CPQ: variants seen among roughly 807,000 people sequenced by gnomAD.
CPQ encodes the protein carboxypeptidase Q, also known as Ser-Met dipeptidase.
In CPQ, 37 loss-of-function variants were observed where a neutral mutation model predicts 45.7. That is an observed-to-expected ratio of 0.81 (90% CI 0.62 to 1.07). The LOEUF (loss-of-function observed/expected upper bound fraction) is 1.07, where lower values mean the gene tolerates loss of function less well. CPQ is among the 50% of genes least tolerant of loss of function. The pLI, the probability that CPQ is intolerant of heterozygous loss-of-function variation, is 0.00. For synonymous variants in CPQ, 186 were observed against 205.8 expected (o/e 0.90, Z 0.82); for missense variants, 537 against 572.9 (o/e 0.94, Z 0.64).
At chr8:96,990,021 A>C (rs1297032774) in intron 5 of CPQ, among the ~76,000 whole-genome samples, 1 of 151,978 alleles carries the variant, frequency 6.6e-6, no homozygotes, top group East Asian at 1.9e-4. Context: ...CTTCTCTTGC[A>C]CCAAATGGGC....
chr8:96,649,593 A>G (rs762282504), intron 1 of CPQ, among the ~76,000 whole-genome samples: 20 of 152,216 alleles, frequency 1.3e-4, no homozygotes, highest in Non-Finnish European at 1.6e-4. Flanking sequence ...AATGAGGGTA[A>G]GAAATATAAG....
chr8:96,722,187 A>C (rs1377258950), intron 1 of CPQ, among the ~76,000 whole-genome samples: 1 of 152,242 alleles, frequency 6.6e-6, no homozygotes, highest in Admixed American at 6.5e-5. Flanking sequence ...TTATTTATTG[A>C]ATGAATAAAT....
At chr8:96,853,149 T>C (rs1786365376) in intron 3 of CPQ, among the ~76,000 whole-genome samples, 1 of 152,242 alleles carries the variant, frequency 6.6e-6, no homozygotes. Flanking sequence ...TCTTCCTCAG[T>C]TGCCACACAG....
intron 1 of CPQ, among the ~76,000 whole-genome samples, chr8:96,727,277 C>T (rs750007371): frequency 6.6e-5 from 10 of 152,122 alleles, no homozygotes; most frequent in South Asian, 2.1e-4. Flanking sequence ...GAGCAAGCAG[C>T]TATTTAGTCC....
At chr8:96,693,888 T>C (rs1809337015) in intron 1 of CPQ, among the ~76,000 whole-genome samples, 1 of 152,054 alleles carries the variant, frequency 6.6e-6, no homozygotes, top group South Asian at 2.1e-4. Context: ...CATGAGGTGA[T>C]GAAAAATAAT....
chr8:96,926,622 T>TCTTCTTCTC lies in CPQ; in HGVS notation c.850-39311_850-39310insTCTTCTCCT, dbSNP rs1554578116. On this transcript the variant is annotated intron_variant, in intron 4 of 7. Transcript: ENST00000220763. ...TTCTTCTTCTTCTTCTTCTTCTTCT[T>TCTTCTTCTC]CTCCTCCTTCTCCTTCTTCTTCTTC... Among the ~76,000 whole-genome samples, 8 of 123,860 alleles carry TCTTCTTCTC rather than the reference T, an allele frequency of 6.5e-5. No individual in the cohort carries two copies. In the East Asian group the frequency reaches 1.4e-3, roughly 22 times the overall value. The allele number at this position is 123,860 out of a possible 152,430, so 81.3% of individuals were successfully genotyped here. A position where few individuals can be genotyped will look rare whatever the true frequency, so the allele number is the denominator to read the frequency against.
chr8:96,876,216 G>A (rs1812143320), intron 3 of CPQ, among the ~76,000 whole-genome samples: 1 of 151,840 alleles, frequency 6.6e-6, no homozygotes, highest in African/African-American at 2.4e-5. Context: ...GTGTGTGTAT[G>A]TGTGTTCCTT....
chr8:97,116,852 A>G (rs1811602495), intron 7 of CPQ, among the ~76,000 whole-genome samples: 1 of 152,230 alleles, frequency 6.6e-6, no homozygotes, highest in Non-Finnish European at 1.5e-5. Context: ...GCCTAAGAGA[A>G]AGCTCAGTTG....
intron 3 of CPQ, among the ~76,000 whole-genome samples, chr8:96,854,391 C>T (rs1054346080): frequency 1.3e-4 from 19 of 149,464 alleles, no homozygotes; most frequent in Admixed American, 1.1e-3. Context: ...ATTAGCAGGG[C>T]GTAGTGGCGG....
chr8:96,685,874 A>G lies in CPQ; in HGVS notation c.-35+40472A>G, dbSNP rs546053396. ...ATCCATCAATATCCCTCACTTTTCC[A>G]TTTGTTTAATTCTTGTGGGTCCATC... On this transcript the variant is annotated intron_variant, in intron 1 of 7. Transcript: ENST00000220763. Among the ~76,000 whole-genome samples the G allele has an allele frequency of 4.9e-4, 74 of 152,134 alleles. 1 individual carries two copies. Among genetic ancestry groups the G allele is most frequent in the Admixed American group, 4.4e-3 (68 of 15,290 alleles).
intron 3 of CPQ, among the ~76,000 whole-genome samples, chr8:96,868,144 T>A (rs1812018893): frequency 6.6e-6 from 1 of 152,070 alleles, no homozygotes; most frequent in Non-Finnish European, 1.5e-5. Flanking sequence ...TTAGCGTGGA[T>A]CCCAGAGTGA....
At chr8:96,888,269 A>G (rs1812329036) in intron 4 of CPQ, among the ~76,000 whole-genome samples, 1 of 152,198 alleles carries the variant, frequency 6.6e-6, no homozygotes, top group African/African-American at 2.4e-5. Flanking sequence ...TGGAAGGAAG[A>G]CTAGATGGGT....
chr8:96,859,054 G>T (rs1226314089), intron 3 of CPQ, among the ~76,000 whole-genome samples: 1 of 152,070 alleles, frequency 6.6e-6, no homozygotes, highest in East Asian at 1.9e-4. Context: ...TTGTTTGAAT[G>T]CCAGGCATTG....
intron 1 of CPQ, among the ~76,000 whole-genome samples, chr8:96,766,479 G>A (rs1810468867): frequency 6.6e-6 from 1 of 152,162 alleles, no homozygotes; most frequent in Non-Finnish European, 1.5e-5. Flanking sequence ...AACTGCTGGA[G>A]GCGTTGGGAA....
At chr8:96,919,013 AG>A (rs1812770089) in intron 4 of CPQ, among the ~76,000 whole-genome samples, 1 of 152,110 alleles carries the variant, frequency 6.6e-6, no homozygotes, top group Admixed American at 6.6e-5. Context: ...GTATACCCTA[AG>A]ATTGCCCCAT....
chr8:96,962,453 A>G lies in CPQ; in HGVS notation c.850-3482A>G, dbSNP rs535946004. Among the ~76,000 whole-genome samples, 5 of 152,330 alleles carry G rather than the reference A, an allele frequency of 3.3e-5. No individual in the cohort carries two copies. The South Asian group carries it at 1.0e-3, about 32-fold the overall frequency. ...GATTCTAGGCCATGCTTTTGCTCAAAGGAATCCAGATCTGGCAACAGAGGC... is the reference window on the plus strand; with the variant it reads ...GATTCTAGGCCATGCTTTTGCTCAAGGGAATCCAGATCTGGCAACAGAGGC... On this transcript the variant is annotated intron_variant, in intron 4 of 7. Coordinates refer to ENST00000220763, the MANE Select transcript of CPQ (RefSeq NM_016134.4).
chr8:96,926,625 C>CTTCTTCTTCTTCTTCTTCTTCTT lies in CPQ; in HGVS notation c.850-39310_850-39309insTTCTTCTTCTTCTTCTTCTTCTT, dbSNP rs59043894. 1.6e-3 allele frequency among the ~76,000 whole-genome samples: 95 copies of CTTCTTCTTCTTCTTCTTCTTCTT among 58,448 alleles called. 5 individuals carry two copies. The highest frequency in any genetic ancestry group is 5.5e-3 in the African/African-American group (87 of 15,876). 38.3% of individuals were successfully genotyped at this position (58,448 alleles called of 152,430 possible). On this transcript the variant is annotated intron_variant, in intron 4 of 7. Coordinates refer to ENST00000220763, the MANE Select transcript of CPQ (RefSeq NM_016134.4). ...TTCTTCTTCTTCTTCTTCTTCTTCT[C>CTTCTTCTTCTTCTTCTTCTTCTT]CTCCTTCTCCTTCTTCTTCTTCTCC...
At chr8:96,667,913 C>G (rs546793615) in intron 1 of CPQ, among the ~76,000 whole-genome samples, 1 of 152,130 alleles carries the variant, frequency 6.6e-6, no homozygotes, top group South Asian at 2.1e-4. Context: ...TATTATATAT[C>G]TTTTATTCTC....
At chr8:96,862,585 G>A (rs938550514) in intron 3 of CPQ, among the ~76,000 whole-genome samples, 4 of 151,944 alleles carry the variant, frequency 2.6e-5, no homozygotes, top group African/African-American at 9.6e-5. Flanking sequence ...ATGTGATTAG[G>A]GCTTAGAATT....
Sources: gnomAD v4.1 joint callset for allele counts (sites outside exome capture counted in the v4.1 genomes callset) on GRCh38, gnomAD v4.1.1 for gene constraint, MANE v1.5 for transcripts, NCBI Gene and HGNC (gene_info 2026-07-23, HGNC 2026-07-21) for gene names.